Variants in P4HA1 observed in about 807,000 individuals in gnomAD.
The protein encoded by P4HA1 is prolyl 4-hydroxylase subunit alpha-1.
In P4HA1, 24 loss-of-function variants were observed where a neutral mutation model predicts 72.8. The ratio of observed to expected loss-of-function variants is 0.33; its 90% CI spans 0.24 to 0.46. The LOEUF is 0.46. Among genes scored for constraint, P4HA1 ranks in the 20% least tolerant of loss-of-function variants. P4HA1 has a pLI of 1.00. For missense variants in P4HA1, 446 were observed against 640.6 expected, an observed-to-expected ratio of 0.70 and a Z score of 3.28; for synonymous variants, 201 against 218.8, an observed-to-expected ratio of 0.92 and a Z score of 0.72.
At chr10:73,095,431 ATTC>A (rs1842143221) in intron 1 of P4HA1, among the ~76,000 whole-genome samples, 1 of 151,750 alleles carries the variant, frequency 6.6e-6, no homozygotes, top group African/African-American at 2.4e-5. Context: ...TGCAGACTGA[ATTC>A]TTCATCTGAT....
chr10:73,069,857 AGCAGTG>A (rs1193898834), intron 4 of P4HA1, among the ~76,000 whole-genome samples: 50 of 145,562 alleles, frequency 3.4e-4, no homozygotes, highest in Admixed American at 1.1e-3. Flanking sequence ...CAGGCTGGAG[AGCAGTG>A]GCAGTGGCAT....
At position 73,007,880 on chromosome 10, in the gene P4HA1, C is replaced by T; in HGVS notation, c.*342G>A. On this transcript the variant is annotated 3_prime_UTR_variant, in exon 15 of 15. Transcript: ENST00000394890. ...CACACAGCCCATTCTAGCTTAACAC[C>T]CACCAACTGAGATGTAGTGAAATAC... 2 of 192,240 alleles carry T rather than the reference C, an allele frequency of 1.0e-5. No individual in the cohort carries two copies. Among genetic ancestry groups the T allele is most frequent in the African/African-American group, 2.3e-5 (1 of 42,986 alleles). 11.9% of individuals were successfully genotyped at this position (192,240 alleles called of 1,614,324 possible).
intron 1 of P4HA1, among the ~76,000 whole-genome samples, chr10:73,079,409 C>T (rs1231348695): frequency 2.6e-5 from 4 of 151,916 alleles, no homozygotes; most frequent in African/African-American, 4.8e-5. Flanking sequence ...AATGTGCTAC[C>T]GCACTCTAGC....
intron 12 of P4HA1, among the ~76,000 whole-genome samples, chr10:73,013,034 G>A (rs950768035): frequency 6.6e-6 from 1 of 152,178 alleles, no homozygotes; most frequent in African/African-American, 2.4e-5. Context: ...GACCTCAAGT[G>A]ATCTGCCCGC....
At chr10:73,043,114 T>C (rs779794544) in intron 9 of P4HA1, among the ~76,000 whole-genome samples, 1 of 152,324 alleles carries the variant, frequency 6.6e-6, no homozygotes, top group Middle Eastern at 3.4e-3. Flanking sequence ...TTACTATAAT[T>C]ATTATTCACA....
At chr10:73,062,632 A>G (rs1225639998) in intron 5 of P4HA1, among the ~76,000 whole-genome samples, 1 of 152,226 alleles carries the variant, frequency 6.6e-6, no homozygotes, top group African/African-American at 2.4e-5. Flanking sequence ...CAAACACAAC[A>G]GTGGTTTCTT....
intron 11 of P4HA1, among the ~76,000 whole-genome samples, chr10:73,014,838 T>C (rs1367842747): frequency 6.6e-6 from 1 of 151,060 alleles, no homozygotes; most frequent in East Asian, 1.9e-4. Flanking sequence ...TTTCTTTTTT[T>C]TTTTTTTTGA....
At chr10:73,042,120 A>G (rs1032105484) in intron 9 of P4HA1, among the ~76,000 whole-genome samples, 2 of 152,174 alleles carry the variant, frequency 1.3e-5, no homozygotes, top group African/African-American at 4.8e-5. Flanking sequence ...ATAAATTTGT[A>G]TGATTTTCTC....
chr10:73,055,073 A>T (rs1023694375), intron 5 of P4HA1, among the ~76,000 whole-genome samples: 7 of 152,074 alleles, frequency 4.6e-5, no homozygotes, highest in South Asian at 2.1e-4. Flanking sequence ...CAAAAAAAAA[A>T]TTTTTAGAAA....
intron 1 of P4HA1, among the ~76,000 whole-genome samples, chr10:73,091,573 TAATC>T (rs1446437997): frequency 3.3e-5 from 5 of 152,260 alleles, no homozygotes; most frequent in African/African-American, 9.6e-5. Flanking sequence ...TAAAATCAGT[TAATC>T]AATATTTAAT....
intron 9 of P4HA1, among the ~76,000 whole-genome samples, chr10:73,039,228 G>A (rs912539386): frequency 2.0e-5 from 3 of 151,966 alleles, no homozygotes; most frequent in African/African-American, 7.3e-5. Context: ...AAGGAGCAGT[G>A]AGCTATGATC....
intron 1 of P4HA1, among the ~76,000 whole-genome samples, chr10:73,085,878 A>G (rs1841915438): frequency 6.6e-6 from 1 of 152,210 alleles, no homozygotes; most frequent in African/African-American, 2.4e-5. Flanking sequence ...CTGTAGTTCT[A>G]TCTACTTGGG....
At chr10:73,066,080 A>G (rs971449136) in intron 5 of P4HA1, among the ~76,000 whole-genome samples, 1 of 152,228 alleles carries the variant, frequency 6.6e-6, no homozygotes, top group African/African-American at 2.4e-5. Context: ...TTACCTCTAA[A>G]CAAGGGAAGG....
intron 14 of P4HA1, among the ~76,000 whole-genome samples, chr10:73,009,455 C>A (rs1236637048): frequency 1.3e-5 from 2 of 152,170 alleles, no homozygotes; most frequent in Non-Finnish European, 2.9e-5. Flanking sequence ...ACTCCCCAAA[C>A]TTAGGCAGTC....
In P4HA1 at chr10:73,047,574, AT is replaced by A. The variant is rs139017709; in HGVS notation, c.901-474del. On this transcript the variant is annotated intron_variant, in intron 7 of 14. Coordinates refer to ENST00000394890, the MANE Select transcript of P4HA1 (RefSeq NM_001017962.3). ...CAAAAAAAAAAAAAAAAAAAAAGGA[AT>A]TTTTTTAAGGGCAAAATAAAAAATG... Among the ~76,000 whole-genome samples the A allele has an allele frequency of 9.4e-5, 14 of 149,334 alleles. No individual in the cohort carries two copies. The East Asian group carries it at 9.7e-4, about 10-fold the overall frequency.
chr10:73,074,021 G>T (rs949039259), intron 2 of P4HA1, 194 bp from the exon 3 acceptor site: 1 of 554,480 alleles, frequency 1.8e-6, no homozygotes, highest in Admixed American at 3.2e-5. Context: ...AACTGTTCCA[G>T]TTCTAATTTT....
chr10:73,023,397 A>C (rs1840183553), intron 10 of P4HA1, among the ~76,000 whole-genome samples: 1 of 152,222 alleles, frequency 6.6e-6, no homozygotes, highest in Non-Finnish European at 1.5e-5. Context: ...AGCCAAACTA[A>C]GCTTTCTAAA....
At chr10:73,043,918 A>G in intron 9 of P4HA1, 1 of 1,613,228 alleles carries the variant, frequency 6.2e-7, no homozygotes, top group Non-Finnish European at 8.5e-7. Flanking sequence ...GCTGTGGTCA[A>G]TTTTCCAGTC....
At chr10:73,033,661 G>A (rs1840493263) in intron 9 of P4HA1, among the ~76,000 whole-genome samples, 2 of 152,142 alleles carry the variant, frequency 1.3e-5, no homozygotes, top group South Asian at 4.1e-4. Context: ...ATGGTCATGG[G>A]ACACTGGTTA....
Sources: allele counts gnomAD v4.1 joint callset (sites outside exome capture counted in the v4.1 genomes callset), GRCh38; gene constraint gnomAD v4.1.1; transcripts MANE v1.5; gene names NCBI Gene and HGNC (gene_info 2026-07-23, HGNC 2026-07-21).